The following NSUN7 variants were observed in gnomAD, a reference collection of about 807,000 sequenced individuals.
NSUN7 encodes protein NSUN7.
Under a neutral mutation model 58.5 loss-of-function variants are expected in NSUN7, and 39 were observed. The ratio of observed to expected loss-of-function variants is 0.67; its 90% confidence interval spans 0.52 to 0.87. The LOEUF (loss-of-function observed/expected upper bound fraction) is 0.87. Among genes scored for constraint, NSUN7 ranks in the 40% least tolerant of loss-of-function variants. The probability of loss-of-function intolerance (pLI) is 0.00; values close to 1 mark genes in which losing one functional copy is unlikely to be tolerated. For synonymous variants in NSUN7, 278 were observed against 303.7 expected (o/e 0.92, Z 0.88); for missense variants, 765 against 844.1 (o/e 0.91, Z 1.16).
chr4:40,777,180 C>T (rs574046401), intron 7 of NSUN7, among the ~76,000 whole-genome samples: 1 of 152,118 alleles, frequency 6.6e-6, no homozygotes, highest in South Asian at 2.1e-4. Context: ...ACCCCCATTC[C>T]AGTCATCTTA....
chr4:40,772,815 A>G (rs1014805618), intron 4 of NSUN7, among the ~76,000 whole-genome samples: 1 of 152,232 alleles, frequency 6.6e-6, no homozygotes, highest in South Asian at 2.1e-4. Flanking sequence ...CCACCCACCA[A>G]CCACAACTCA....
In NSUN7 at chr4:40,774,292, G is replaced by A. The variant is rs201459106; in HGVS notation, c.516G>A (p.Leu172=). The A allele has an allele frequency of 4.2e-4, 678 of 1,613,954 alleles. No homozygotes were observed. The highest frequency in any genetic ancestry group is 5.4e-4 in the Non-Finnish European group (638 of 1,179,986). The change falls in exon 5 of 12, where the codon TTG becomes TTA. Residue 172 remains leucine, a synonymous_variant. Coordinates refer to ENST00000381782, the MANE Select transcript of NSUN7 (RefSeq NM_024677.6). ...NSFKIKLAAA[L]ARCRIKHDAL... is the part of the protein sequence containing the mutation. Reference sequence around the variant, plus strand: ...TTAAGATAAAATTGGCTGCAGCATTGGCAAGATGTCGAATCAAGCATGATG... The same window carrying A: ...TTAAGATAAAATTGGCTGCAGCATTAGCAAGATGTCGAATCAAGCATGATG...
chr4:40,774,866 C>A lies in NSUN7; in HGVS notation c.741C>A (p.Cys247Ter). 7.0e-7 allele frequency: 1 copy of A among 1,436,402 alleles called. No homozygotes were observed. Among genetic ancestry groups the A allele is most frequent in the Non-Finnish European group, 9.8e-7 (1 of 1,019,530 alleles). 89.0% of individuals were successfully genotyped at this position (1,436,402 alleles called of 1,614,324 possible). ...AAGTCTTTGCTGTGGATCAACATTGCTATGATGTCTTAATTTTTCCATCTC... is the reference window on the plus strand; with the variant it reads ...AAGTCTTTGCTGTGGATCAACATTGATATGATGTCTTAATTTTTCCATCTC... ...DDKVFAVDQH[C>*]YDVLIFPSHL... Residue 247 changes from cysteine to a stop codon, truncating the protein, a stop_gained, in exon 6 of 12, where the codon TGC (cysteine) becomes TGA (stop). Transcript: ENST00000381782. LOFTEE classifies it high-confidence loss of function.
chr4:40,809,160 C>CT lies in NSUN7; in HGVS notation c.*222dup. Reference sequence around the variant, plus strand: ...GAGACTTCAGCCAATCACTGCTGCTCTGAGAGGATCCAGTTAGAGACTCAG... The same window carrying CT: ...GAGACTTCAGCCAATCACTGCTGCTCTTGAGAGGATCCAGTTAGAGACTCAG... On this transcript the variant is annotated 3_prime_UTR_variant, in exon 12 of 12. Coordinates refer to ENST00000381782, the MANE Select transcript of NSUN7 (RefSeq NM_024677.6). 2.1e-6 allele frequency: 1 copy of CT among 485,360 alleles called. No homozygotes were observed. The highest frequency in any genetic ancestry group is 2.0e-5 in the African/African-American group (1 of 50,786). The allele number at this position is 485,360 out of a possible 1,614,324, so 30.1% of individuals were successfully genotyped here. A position where few individuals can be genotyped will look rare whatever the true frequency, so the allele number is the denominator to read the frequency against.
chr4:40,753,567 C>G (rs1413037466), intron 2 of NSUN7, among the ~76,000 whole-genome samples: 1 of 152,172 alleles, frequency 6.6e-6, no homozygotes, highest in African/African-American at 2.4e-5. Flanking sequence ...ACAGAAAATC[C>G]CATTCAAATA....
intron 4 of NSUN7, among the ~76,000 whole-genome samples, chr4:40,765,684 T>A (rs1261879450): frequency 6.6e-6 from 1 of 152,224 alleles, no homozygotes; most frequent in Non-Finnish European, 1.5e-5. Flanking sequence ...TATGGCCATT[T>A]TCACGATATT....
chr4:40,776,297 C>G, intron 7 of NSUN7, 38 bp downstream of exon 7: 2 of 1,395,720 alleles, frequency 1.4e-6, no homozygotes, highest in Non-Finnish European at 2.0e-6. Flanking sequence ...GATTATTGTT[C>G]TGCAAGATTT....
intron 10 of NSUN7, among the ~76,000 whole-genome samples, chr4:40,804,162 G>A (rs1029752781): frequency 3.3e-5 from 5 of 152,112 alleles, no homozygotes; most frequent in African/African-American, 1.2e-4. Flanking sequence ...TAATGGGGCC[G>A]GGCATGGTGG....
In NSUN7 at chr4:40,753,386, C is replaced by T. The variant is rs182533240; in HGVS notation, c.298+2395C>T. On this transcript the variant is annotated intron_variant, in intron 2 of 11. Transcript: ENST00000381782. ...CTGCCACCCAGGTTCAAGCACTTCT[C>T]TGCCCCAGTCTCCCAAGTAGCTCCC... Among the ~76,000 whole-genome samples the T allele has an allele frequency of 4.6e-5, 7 of 151,878 alleles. No individual in the cohort carries two copies. In the East Asian group the frequency reaches 1.2e-3, roughly 25 times the overall value.
intron 2 of NSUN7, among the ~76,000 whole-genome samples, chr4:40,754,860 A>T (rs1741061328): frequency 1.3e-5 from 2 of 152,052 alleles, no homozygotes; most frequent in African/African-American, 4.8e-5. Context: ...TCCTTTGCTG[A>T]TGTCCTTCAT....
chr4:40,801,424 T>C (rs1469141919), intron 10 of NSUN7, among the ~76,000 whole-genome samples: 1 of 152,202 alleles, frequency 6.6e-6, no homozygotes, highest in African/African-American at 2.4e-5. Flanking sequence ...GTTATAGTTG[T>C]TATTATTTAT....
At chr4:40,785,344 A>G (rs770164882) in intron 7 of NSUN7, among the ~76,000 whole-genome samples, 61 of 152,158 alleles carry the variant, frequency 4.0e-4, no homozygotes, top group South Asian at 1.5e-3. Context: ...AAAGAAAAGT[A>G]GGAAATCCCA....
chr4:40,808,120 G>GTT (rs753135009), intron 11 of NSUN7, among the ~76,000 whole-genome samples, 187 bp from the exon 12 acceptor site: 3 of 127,296 alleles, frequency 2.4e-5, no homozygotes, highest in Non-Finnish European at 5.0e-5. Context: ...TTTTTTTTTT[G>GTT]TTTGTTTTTT....
Position 40,775,994 on chromosome 4 carries a change from A to G in NSUN7, c.826-55A>G. 6.3e-6 allele frequency: 7 copies of G among 1,112,274 alleles called. No homozygotes were observed. Among genetic ancestry groups the G allele is most frequent in the Non-Finnish European group, 9.0e-6 (7 of 774,628 alleles). 68.9% of individuals were successfully genotyped at this position (1,112,274 alleles called of 1,614,324 possible). A position where few individuals can be genotyped will look rare whatever the true frequency, so the allele number is the denominator to read the frequency against. On this transcript the variant is annotated intron_variant, in intron 6 of 11. Coordinates refer to ENST00000381782, the MANE Select transcript of NSUN7 (RefSeq NM_024677.6). The surrounding 1 kb of genome is among the most constrained non-coding windows in gnomAD (Gnocchi z 4.3). ...CTTTTATGTAAAGCAAATAGAAGTC[A>G]GCTTATATTTCTAGCCATACCCTTT... is the stretch of plus-strand genomic sequence containing the variant.
intron 4 of NSUN7, among the ~76,000 whole-genome samples, chr4:40,772,565 C>T (rs914847701): frequency 2.6e-5 from 4 of 152,172 alleles, no homozygotes; most frequent in African/African-American, 9.7e-5. Flanking sequence ...TATACATACA[C>T]ATAATATTCC....
chr4:40,793,695 T>C (rs1743198170), intron 8 of NSUN7, among the ~76,000 whole-genome samples: 1 of 152,182 alleles, frequency 6.6e-6, no homozygotes, highest in Non-Finnish European at 1.5e-5. Flanking sequence ...GTCCACTTAG[T>C]AGCTATATAA....
intron 4 of NSUN7, among the ~76,000 whole-genome samples, chr4:40,771,404 TTCTC>T (rs1742003707): frequency 2.0e-5 from 3 of 152,182 alleles, no homozygotes; most frequent in African/African-American, 7.2e-5. Flanking sequence ...ATCTCTGTCT[TTCTC>T]TCTTTCTCTT....
chr4:40,756,719 G>T (rs1468527250), intron 2 of NSUN7, among the ~76,000 whole-genome samples: 1 of 152,180 alleles, frequency 6.6e-6, no homozygotes, highest in Non-Finnish European at 1.5e-5. Context: ...TATGGTTGTT[G>T]TGGAGATTAA....
rs1560568410 is a variant in NSUN7, at chr4:40,808,809, A to G, written c.2027A>G (p.Tyr676Cys). 6.5e-7 allele frequency: 1 copy of G among 1,549,538 alleles called. No homozygotes were observed. The highest frequency in any genetic ancestry group is 2.0e-5 in the Admixed American group (1 of 50,654). ...IRSRMPTQHLYCRWVAPKALV... is the reference protein window; with the variant it reads ...IRSRMPTQHLCCRWVAPKALV... ...TCTCGGATGCCAACTCAACATTTGT[A>G]CTGTCGTTGGGTTGCACCCAAGGCA... Residue 676 changes from tyrosine (Y) to cysteine (C), a missense_variant, in exon 12 of 12, where the codon TAC becomes TGC. Transcript: ENST00000381782.
Sources: gnomAD v4.1 joint callset for allele counts (sites outside exome capture counted in the v4.1 genomes callset) on GRCh38, gnomAD v4.1.1 for gene constraint, Gnocchi (gnomAD v3.1) non-coding constraint, MANE v1.5 for transcripts, NCBI Gene and HGNC (gene_info 2026-07-23, HGNC 2026-07-21) for gene names.